Variants in RARB observed in about 807,000 individuals in gnomAD.
RARB encodes HBV-activated protein.
RARB carries 17 observed loss-of-function variants against 51.9 expected under a neutral mutation model. That is an observed-to-expected ratio of 0.33 (90% CI 0.22 to 0.49). The LOEUF is 0.49. Among genes scored for constraint, RARB ranks in the 20% least tolerant of loss-of-function variants. RARB has a pLI of 0.99. For missense variants in RARB, 369 were observed against 550.8 expected (o/e 0.67, Z 3.30); for synonymous variants, 215 against 195.4 (o/e 1.10, Z -0.84).
chr3:25,260,783 G>T (rs1325013004), intron 5 of RARB, among the ~76,000 whole-genome samples: 1 of 152,078 alleles, frequency 6.6e-6, no homozygotes, highest in Non-Finnish European at 1.5e-5. Context: ...CCTGTCACTG[G>T]GGCTGGGTGA....
chr3:25,384,098 T>G (rs1425218327), intron 5 of RARB, among the ~76,000 whole-genome samples: 1 of 152,120 alleles, frequency 6.6e-6, no homozygotes, highest in Non-Finnish European at 1.5e-5. Context: ...CTTAACTTCT[T>G]GAAACAAACC....
intron 2 of RARB, among the ~76,000 whole-genome samples, chr3:24,953,084 C>G (rs1031566959): frequency 2.4e-4 from 36 of 152,122 alleles, no homozygotes; most frequent in African/African-American, 8.4e-4. Context: ...CTAGGGAGAG[C>G]TAGTAGAGAG....
intron 5 of RARB, among the ~76,000 whole-genome samples, chr3:25,213,228 C>T (rs1701742020): frequency 6.6e-6 from 1 of 152,160 alleles, no homozygotes; most frequent in Non-Finnish European, 1.5e-5. Context: ...ACTTTCTTCC[C>T]TATTCCCCAA....
Position 24,978,845 on chromosome 3 carries a change from G to T in RARB, c.-379-81280G>T, listed in dbSNP as rs528713295. Reference sequence around the variant, plus strand: ...TCTACTTCTTTTAATTGTGATGTTAGGGTGTCTATTTTAGATCTTTTCTGT... The same window carrying T: ...TCTACTTCTTTTAATTGTGATGTTATGGTGTCTATTTTAGATCTTTTCTGT... On this transcript the variant is annotated intron_variant, in intron 2 of 11. Coordinates refer to the RARB transcript ENST00000383772. Among the ~76,000 whole-genome samples the T allele has an allele frequency of 1.7e-4, 26 of 152,000 alleles. 1 individual carries two copies. The highest frequency in any genetic ancestry group is 3.4e-3 in the Middle Eastern group (1 of 292).
chr3:25,315,768 C>G (rs1321387397), intron 5 of RARB, among the ~76,000 whole-genome samples: 2 of 148,456 alleles, frequency 1.3e-5, no homozygotes, highest in Non-Finnish European at 1.5e-5. Context: ...CATGCACCAC[C>G]ACACTCAGCT....
chr3:25,313,020 C>A (rs1421362395), intron 5 of RARB, among the ~76,000 whole-genome samples: 1 of 152,220 alleles, frequency 6.6e-6, no homozygotes, highest in Non-Finnish European at 1.5e-5. Context: ...TGGCTCTATC[C>A]ACTTCTAGCC....
intron 5 of RARB, among the ~76,000 whole-genome samples, chr3:25,316,430 C>T (rs958098918): frequency 6.6e-6 from 1 of 151,584 alleles, no homozygotes; most frequent in Non-Finnish European, 1.5e-5. Flanking sequence ...TATTTTAAGC[C>T]AAGTCATCTA....
At chr3:24,916,606 GA>G (rs140627148) in intron 2 of RARB, among the ~76,000 whole-genome samples, 1,864 of 152,226 alleles carry the variant, frequency 0.012, 44 homozygotes, top group African/African-American at 0.042. Flanking sequence ...ATGTTTCCCA[GA>G]AAGCATATTG....
chr3:25,400,918 A>G (rs1269887024), intron 5 of RARB, among the ~76,000 whole-genome samples: 1 of 151,932 alleles, frequency 6.6e-6, no homozygotes, highest in Non-Finnish European at 1.5e-5. Flanking sequence ...TAAAATGTAA[A>G]TCTGTTTTTA....
intron 2 of RARB, among the ~76,000 whole-genome samples, chr3:25,053,152 C>A (rs534865273): frequency 2.6e-5 from 4 of 152,148 alleles, no homozygotes; most frequent in African/African-American, 9.6e-5. Context: ...ATTGAAGCGA[C>A]GTAATTAACC....
chr3:25,498,760 A>C (rs1388593063), intron 2 of RARB, among the ~76,000 whole-genome samples: 1 of 152,114 alleles, frequency 6.6e-6, no homozygotes, highest in Non-Finnish European at 1.5e-5. Context: ...TTTTCTTCCC[A>C]CGTATATAAA....
At chr3:25,022,023 G>A (rs1027633285) in intron 2 of RARB, among the ~76,000 whole-genome samples, 2 of 152,136 alleles carry the variant, frequency 1.3e-5, no homozygotes, top group African/African-American at 4.8e-5. Context: ...GGCAACAGAG[G>A]CACTGATGAA....
At chr3:24,852,554 C>A (rs773823158) in intron 1 of RARB, among the ~76,000 whole-genome samples, 2 of 152,006 alleles carry the variant, frequency 1.3e-5, no homozygotes, top group African/African-American at 4.8e-5. Context: ...AAGGCTTGTA[C>A]ATAAATATTT....
intron 2 of RARB, among the ~76,000 whole-genome samples, chr3:24,961,919 CTTTTTTTTTTTT>C (rs35078496): frequency 7.1e-5 from 5 of 70,674 alleles, no homozygotes; most frequent in African/African-American, 2.9e-4. Flanking sequence ...CTTTGGGTGT[CTTTTTTTTTTTT>C]TTTTTTTTTT....
intron 2 of RARB, among the ~76,000 whole-genome samples, chr3:25,023,504 A>AG (rs5847336): frequency 0.92 from 140,473 of 152,208 alleles, 64,889 homozygotes; most frequent in East Asian, 0.97. Flanking sequence ...GACGCAGCTG[A>AG]GTTTGCTTCA....
chr3:25,030,123 T>C (rs1481496198), intron 2 of RARB, among the ~76,000 whole-genome samples: 2 of 152,250 alleles, frequency 1.3e-5, no homozygotes, highest in Admixed American at 6.5e-5. Context: ...TGCTAGTCAA[T>C]ACCTTTTCTA....
At chr3:25,424,557 A>C (rs1049758321), upstream of RARB, among the ~76,000 whole-genome samples, 1 of 152,216 alleles carries the variant, frequency 6.6e-6, no homozygotes, top group Non-Finnish European at 1.5e-5. Context: ...AAAAAAAATT[A>C]AAAAACAAAC....
At chr3:25,086,794 T>C (rs1416009190) in intron 3 of RARB, among the ~76,000 whole-genome samples, 2 of 152,044 alleles carry the variant, frequency 1.3e-5, no homozygotes, top group African/African-American at 4.8e-5. Context: ...CTGGAGTTGA[T>C]AGAAGGGAGT....
chr3:25,444,190 C>G (rs1402884341), intron 1 of RARB, among the ~76,000 whole-genome samples: 2 of 152,140 alleles, frequency 1.3e-5, no homozygotes, highest in African/African-American at 2.4e-5. Context: ...GACGCAGATT[C>G]CTAGGCACTG....
Sources: allele counts gnomAD v4.1 joint callset (sites outside exome capture counted in the v4.1 genomes callset), GRCh38; gene constraint gnomAD v4.1.1; transcripts MANE v1.5; gene names NCBI Gene and HGNC (gene_info 2026-07-23, HGNC 2026-07-21).